MNS1: variants seen among roughly 807,000 people sequenced by gnomAD.
The protein encoded by MNS1 is meiosis-specific nuclear structural protein 1.
A neutral mutation model predicts 72.0 loss-of-function variants in MNS1; 63 were observed. The observed-to-expected ratio is 0.87, with a 90% confidence interval of 0.71 to 1.08. The LOEUF is 1.08. MNS1 is among the 50% of genes least tolerant of loss of function. The pLI, the probability that MNS1 is intolerant of heterozygous loss-of-function variation, is 0.00. For missense variants in MNS1, 604 were observed against 562.4 expected (o/e 1.07, Z -0.75); for synonymous variants, 188 against 172.1 (o/e 1.09, Z -0.72).
At chr15:56,433,255 C>A (rs1331122390) in intron 8 of MNS1, among the ~76,000 whole-genome samples, 17 of 14,012 alleles carry the variant, frequency 1.2e-3, no homozygotes, top group African/African-American at 3.5e-3. Flanking sequence ...CAGGGCCTGT[C>A]GGGGGGTGGG....
intron 3 of MNS1, among the ~76,000 whole-genome samples, chr15:56,450,114 AGTTT>A: frequency 6.6e-6 from 1 of 152,268 alleles, no homozygotes; most frequent in Middle Eastern, 3.4e-3. Flanking sequence ...GAGAATTTGC[AGTTT>A]GTTTTCTAGT....
chr15:56,456,261 A>G (rs879866463), intron 3 of MNS1, 133 bp downstream of exon 3: 22 of 747,230 alleles, frequency 2.9e-5, no homozygotes, highest in African/African-American at 3.7e-5. Flanking sequence ...ACTTAAAGCA[A>G]TAAGTATTTC....
chr15:56,463,800 A>G, intron 2 of MNS1: 1 of 476,752 alleles, frequency 2.1e-6, no homozygotes, highest in Non-Finnish European at 3.7e-6. Context: ...AAAAAGTAAA[A>G]GCAACTTACT....
intron 7 of MNS1, among the ~76,000 whole-genome samples, chr15:56,435,731 T>G (rs2140334900): frequency 6.6e-6 from 1 of 152,080 alleles, no homozygotes; most frequent in Middle Eastern, 3.4e-3. Flanking sequence ...ACTAGAAAAT[T>G]CTATCAAATA....
chr15:56,440,258 A>G (rs1265329044), intron 7 of MNS1, among the ~76,000 whole-genome samples: 2 of 152,166 alleles, frequency 1.3e-5, no homozygotes, highest in Non-Finnish European at 2.9e-5. Flanking sequence ...AAAATAAAAA[A>G]TTGTTGAGCT....
In MNS1 at chr15:56,465,036, G is replaced by A. The variant is rs2051050381; in HGVS notation, c.-64C>T. On this transcript the variant is annotated 5_prime_UTR_variant, in exon 1 of 10. Coordinates refer to ENST00000260453, the MANE Select transcript of MNS1 (RefSeq NM_018365.4). ...GCCACCACCTCCCGCCGCAAACGCAGCAGCCAGCAGCCCCAAGGAGCGCAC... is the reference window on the plus strand; with the variant it reads ...GCCACCACCTCCCGCCGCAAACGCAACAGCCAGCAGCCCCAAGGAGCGCAC... The A allele has an allele frequency of 6.3e-7, 1 of 1,592,290 alleles. No individual in the cohort carries two copies. The highest frequency in any genetic ancestry group is 2.3e-5 in the East Asian group (1 of 43,700).
rs747818934 is a variant in MNS1 at position 56,443,570 on chromosome 15, T to G, written c.904-33A>C. On this transcript the variant is annotated intron_variant, in intron 6 of 9. Transcript: ENST00000260453. ...ATTTTTTAAAAAACATAAATATTTATAGGATCCAAATTCTGTAACTAATAT... is the reference window on the plus strand; with the variant it reads ...ATTTTTTAAAAAACATAAATATTTAGAGGATCCAAATTCTGTAACTAATAT... The G allele has an allele frequency of 1.8e-5, 28 of 1,579,738 alleles. No individual in the cohort carries two copies. The South Asian group carries it at 3.3e-4, about 19-fold the overall frequency.
chr15:56,436,172 C>A (rs148875412), intron 7 of MNS1, among the ~76,000 whole-genome samples: 1 of 152,074 alleles, frequency 6.6e-6, no homozygotes, highest in Non-Finnish European at 1.5e-5. Flanking sequence ...AGCACCACAC[C>A]GCACTTATTC....
At chr15:56,436,624 G>A (rs371281841) in intron 7 of MNS1, among the ~76,000 whole-genome samples, 86 of 152,126 alleles carry the variant, frequency 5.7e-4, no homozygotes, top group African/African-American at 1.9e-3. Flanking sequence ...AACTGAAGGA[G>A]ATAGAGACAC....
intron 1 of MNS1, 136 bp from the exon 2 acceptor site, chr15:56,464,383 A>C: frequency 1.5e-6 from 1 of 646,746 alleles, no homozygotes. Flanking sequence ...AGTATACCGA[A>C]TAAAAAGTAA....
chr15:56,433,110 G>A (rs1822985278), intron 8 of MNS1, among the ~76,000 whole-genome samples: 1 of 152,036 alleles, frequency 6.6e-6, no homozygotes, highest in Admixed American at 6.6e-5. Flanking sequence ...ATCATTTTGG[G>A]TGGACAAAAT....
chr15:56,444,169 C>A (rs795794), intron 5 of MNS1, among the ~76,000 whole-genome samples: 22,633 of 151,978 alleles, frequency 0.15, 5,217 homozygotes, highest in African/African-American at 0.5. Flanking sequence ...ATCAGAATAC[C>A]TGTCCTCTGA....
chr15:56,440,413 G>A (rs1262174096), intron 7 of MNS1, among the ~76,000 whole-genome samples: 1 of 152,218 alleles, frequency 6.6e-6, no homozygotes, highest in African/African-American at 2.4e-5. Flanking sequence ...TTGGCAGTCT[G>A]TTACACAGCT....
At chr15:56,435,938 T>C (rs1412446049) in intron 7 of MNS1, among the ~76,000 whole-genome samples, 2 of 152,060 alleles carry the variant, frequency 1.3e-5, no homozygotes, top group East Asian at 3.9e-4. Flanking sequence ...AAAAGAATTA[T>C]TCACCATGAC....
chr15:56,429,956 A>G (rs552058277), intron 9 of MNS1: 1 of 152,318 alleles, frequency 6.6e-6, no homozygotes, highest in South Asian at 2.1e-4. Flanking sequence ...AAATGTATTA[A>G]TTACATATGG....
chr15:56,464,796 G>C (rs2051047820), intron 1 of MNS1, among the ~76,000 whole-genome samples, 174 bp downstream of exon 1: 1 of 152,130 alleles, frequency 6.6e-6, no homozygotes, highest in Non-Finnish European at 1.5e-5. Context: ...AAAAAAGCTG[G>C]AAACCACCGC....
intron 7 of MNS1, among the ~76,000 whole-genome samples, chr15:56,435,128 G>A (rs2050698372): frequency 6.6e-6 from 1 of 152,022 alleles, no homozygotes; most frequent in Admixed American, 6.6e-5. Flanking sequence ...CAAAATTTGT[G>A]AGATGCTGCT....
At chr15:56,433,825 A>C (rs2050666545) in intron 8 of MNS1, among the ~76,000 whole-genome samples, 1 of 152,114 alleles carries the variant, frequency 6.6e-6, no homozygotes, top group South Asian at 2.1e-4. Context: ...TCTATAACCT[A>C]TTATCACATG....
At chr15:56,436,251 ACTGT>A (rs2050722383) in intron 7 of MNS1, among the ~76,000 whole-genome samples, 1 of 152,140 alleles carries the variant, frequency 6.6e-6, no homozygotes, top group Admixed American at 6.5e-5. Flanking sequence ...ATTATAACAA[ACTGT>A]CTCTCAGACC....
Sources: allele counts gnomAD v4.1 joint callset (sites outside exome capture counted in the v4.1 genomes callset), GRCh38; gene constraint gnomAD v4.1.1; transcripts MANE v1.5; gene names NCBI Gene and HGNC (gene_info 2026-07-23, HGNC 2026-07-21).